The following SCN2A variants were observed in gnomAD, a reference collection of about 807,000 sequenced individuals.
The protein encoded by SCN2A is sodium channel protein type 2 subunit alpha.
A neutral mutation model predicts 188.7 loss-of-function variants in SCN2A; 20 were observed. That is an observed-to-expected ratio of 0.11 (90% CI 0.07 to 0.15). The LOEUF is 0.15. SCN2A is among the 10% of genes least tolerant of loss of function. The pLI, the probability that SCN2A is intolerant of heterozygous loss-of-function variation, is 1.00. For synonymous variants in SCN2A, 804 were observed against 833.1 expected, an observed-to-expected ratio of 0.97 and a Z score of 0.60; for missense variants, 1,278 against 2,445.0, an observed-to-expected ratio of 0.52 and a Z score of 10.07.
At chr2:165,314,500 G>A (rs559988907) in intron 10 of SCN2A, among the ~76,000 whole-genome samples, 72 of 152,234 alleles carry the variant, frequency 4.7e-4, no homozygotes, top group African/African-American at 1.7e-3. Context: ...TATCACCAGA[G>A]GTGGTAAGGG....
At chr2:165,357,439 A>AT (rs903143987) in intron 17 of SCN2A, among the ~76,000 whole-genome samples, 6 of 152,022 alleles carry the variant, frequency 3.9e-5, no homozygotes, top group East Asian at 1.9e-4. Flanking sequence ...GTCTAAATGA[A>AT]TTTTTTTATA....
intron 19 of SCN2A, among the ~76,000 whole-genome samples, chr2:165,369,628 T>C (rs945894453): frequency 6.6e-6 from 1 of 152,204 alleles, no homozygotes; most frequent in Admixed American, 6.5e-5. Flanking sequence ...TGGAAAATTC[T>C]GTCAAAGGGA....
chr2:165,322,568 T>C (rs1207270885), intron 11 of SCN2A, among the ~76,000 whole-genome samples: 1 of 152,208 alleles, frequency 6.6e-6, no homozygotes, highest in Non-Finnish European at 1.5e-5. Context: ...TTATTTCAGC[T>C]TGATTTAATT....
chr2:165,275,830 G>C (rs1297554599), intron 1 of SCN2A, among the ~76,000 whole-genome samples: 1 of 152,018 alleles, frequency 6.6e-6, no homozygotes, highest in Non-Finnish European at 1.5e-5. Flanking sequence ...CGCCTCCTGG[G>C]TTGAAGCAAT....
chr2:165,367,887 C>T (rs1001900469), intron 19 of SCN2A, among the ~76,000 whole-genome samples: 1 of 152,100 alleles, frequency 6.6e-6, no homozygotes, highest in African/African-American at 2.4e-5. Flanking sequence ...CCCACAGGAG[C>T]GTCTAGGGGA....
chr2:165,288,632 A>T (rs572692280), intron 1 of SCN2A, among the ~76,000 whole-genome samples: 1 of 152,128 alleles, frequency 6.6e-6, no homozygotes, highest in South Asian at 2.1e-4. Flanking sequence ...GCAGAAAAAC[A>T]CGTAAGTCTG....
chr2:165,336,624 T>C (rs2105303576), intron 14 of SCN2A, among the ~76,000 whole-genome samples: 1 of 152,152 alleles, frequency 6.6e-6, no homozygotes, highest in East Asian at 1.9e-4. Flanking sequence ...ATGCAGCTTC[T>C]TTTTAAGGCG....
chr2:165,243,934 A>C (rs907619479), intron 1 of SCN2A: 3 of 152,178 alleles, frequency 2.0e-5, no homozygotes, highest in African/African-American at 4.8e-5. Context: ...CAAGAATATG[A>C]GATGAAATTC....
intron 1 of SCN2A, among the ~76,000 whole-genome samples, chr2:165,246,874 T>A: frequency 6.6e-6 from 1 of 152,110 alleles, no homozygotes; most frequent in East Asian, 1.9e-4. Context: ...CAGGTTCTTG[T>A]ACTTAGATTT....
intron 8 of SCN2A, 37 bp downstream of exon 8, chr2:165,312,125 GCTCC>G: frequency 4.6e-6 from 7 of 1,514,828 alleles, no homozygotes; most frequent in Non-Finnish European, 6.4e-6. Context: ...AGTCCACACT[GCTCC>G]ATCAGTGTCA....
intron 14 of SCN2A, among the ~76,000 whole-genome samples, chr2:165,333,553 T>G (rs969033827): frequency 1.3e-5 from 2 of 151,788 alleles, no homozygotes; most frequent in Admixed American, 1.3e-4. Flanking sequence ...AAATAACCAA[T>G]GAGTCAATAA....
intron 13 of SCN2A, 45 bp from the exon 14 acceptor site, chr2:165,331,285 G>T: frequency 7.2e-7 from 1 of 1,383,518 alleles, no homozygotes; most frequent in Non-Finnish European, 1.0e-6. Flanking sequence ...CTGCTTAATA[G>T]AAAGTAAGCA....
intron 25 of SCN2A, among the ~76,000 whole-genome samples, chr2:165,382,284 T>C (rs1574735568): frequency 6.6e-6 from 1 of 152,118 alleles, no homozygotes; most frequent in South Asian, 2.1e-4. Context: ...AATTAAGCAA[T>C]ACAAATGCAA....
At chr2:165,358,809 C>A (rs1238692769) in intron 17 of SCN2A, among the ~76,000 whole-genome samples, 1 of 151,992 alleles carries the variant, frequency 6.6e-6, no homozygotes, top group African/African-American at 2.4e-5. Context: ...ACTCTTGCTC[C>A]TAGGGTGTTT....
At chr2:165,240,765 A>T (rs1048637290) in intron 1 of SCN2A, among the ~76,000 whole-genome samples, 7 of 149,826 alleles carry the variant, frequency 4.7e-5, no homozygotes, top group African/African-American at 1.5e-4. Context: ...TCCTGTAAAG[A>T]GGTAGTTTTG....
At chr2:165,338,643 A>T (rs1393589500) in intron 14 of SCN2A, among the ~76,000 whole-genome samples, 1 of 152,210 alleles carries the variant, frequency 6.6e-6, no homozygotes, top group Non-Finnish European at 1.5e-5. Context: ...AGAAGCAAAA[A>T]ATCATTAGCA....
intron 16 of SCN2A, among the ~76,000 whole-genome samples, chr2:165,351,120 T>C (rs1699888509): frequency 6.6e-6 from 1 of 152,158 alleles, no homozygotes. Context: ...TTATGCTACT[T>C]AGTAGGTAAC....
chr2:165,313,885 T>A lies in SCN2A; in HGVS notation c.1177-17T>A. 1 of 1,613,542 alleles carries A rather than the reference T, an allele frequency of 6.2e-7. No homozygotes were observed. Among genetic ancestry groups the A allele is most frequent in the Non-Finnish European group, 8.5e-7 (1 of 1,179,604 alleles). On this transcript the variant is annotated splice_polypyrimidine_tract_variant and intron_variant, in intron 9 of 26. Transcript: ENST00000375437. ...ATCCTATATAAAATTTATTAAAATC[T>A]CTCTTCCATTTTGCAGACACTACGT...
rs75931038 is a variant in SCN2A at position 165,367,908 on chromosome 2, G to A, written c.3675+537G>A. Among the ~76,000 whole-genome samples the A allele has an allele frequency of 8.7e-4, 132 of 152,216 alleles. 3 individuals are homozygous for A. The East Asian group carries it at 0.024, about 28-fold the overall frequency. On this transcript the variant is annotated intron_variant, in intron 19 of 26. Coordinates refer to ENST00000375437, the MANE Select transcript of SCN2A (RefSeq NM_001040142.2). ...GGAGCGTCTAGGGGAGGGTGCCTGCGATCCTTGAAGCCCTAGAGGAAGTGT... is the reference window on the plus strand; with the variant it reads ...GGAGCGTCTAGGGGAGGGTGCCTGCAATCCTTGAAGCCCTAGAGGAAGTGT...
Sources: gnomAD v4.1 joint callset for allele counts (sites outside exome capture counted in the v4.1 genomes callset) on GRCh38, gnomAD v4.1.1 for gene constraint, MANE v1.5 for transcripts, NCBI Gene and HGNC (gene_info 2026-07-23, HGNC 2026-07-21) for gene names.